Variants in CENPS observed in about 807,000 individuals in gnomAD.
CENPS encodes centromere protein S, also known as FANCM associated histone fold protein 1.
In CENPS, 16 loss-of-function variants were observed where a neutral mutation model predicts 17.9. That is an observed-to-expected ratio of 0.90 (90% CI 0.61 to 1.36). CENPS has a LOEUF of 1.36. CENPS is among the 40% of genes most tolerant of loss of function. CENPS has a pLI of 0.00. For missense variants in CENPS, 160 were observed against 158.6 expected (o/e 1.01, Z -0.05); for synonymous variants, 49 against 55.8 (o/e 0.88, Z 0.54).
intron 1 of CENPS, chr1:10,430,920 G>T (rs1403347403): frequency 2.5e-5 from 32 of 1,261,680 alleles, no homozygotes; most frequent in South Asian, 2.0e-5. Context: ...GACATTCCAG[G>T]TGACGCCCGT....
chr1:10,436,471 G>A (rs1439894789), intron 3 of CENPS, among the ~76,000 whole-genome samples: 1 of 150,758 alleles, frequency 6.6e-6, no homozygotes, highest in Non-Finnish European at 1.5e-5. Context: ...GGAGGCTGAG[G>A]CGGGTGGATC....
At chr1:10,436,265 C>T (rs1162127454) in intron 3 of CENPS, among the ~76,000 whole-genome samples, 8 of 150,938 alleles carry the variant, frequency 5.3e-5, no homozygotes, top group Non-Finnish European at 1.5e-5. Context: ...GGCGTTGAGC[C>T]ACCGCGCCCG....
rs116395144 is a variant in CENPS at position 10,430,465 on chromosome 1, C to T, written c.-53C>T. ...GGCGGGAAAATCCGACCTGGCCGCGCACCACCGCCCCTTCTCGGCCCTCCT... is the reference window on the plus strand; with the variant it reads ...GGCGGGAAAATCCGACCTGGCCGCGTACCACCGCCCCTTCTCGGCCCTCCT... On this transcript the variant is annotated 5_prime_UTR_variant, in exon 1 of 5. Transcript: ENST00000309048. 0.013 allele frequency: 20,084 copies of T among 1,526,610 alleles called. 408 individuals carry two copies. Among genetic ancestry groups the T allele is most frequent in the East Asian group, 0.1 (3,866 of 37,530 alleles). The allele number at this position is 1,526,610 out of a possible 1,614,324, so 94.6% of individuals were successfully genotyped here.
At position 10,435,710 on chromosome 1, in the gene CENPS, T is replaced by TACACACACACACACAC. The variant is rs778086497; in HGVS notation, c.209+1021_209+1022insCACACACACACACACA. Among the ~76,000 whole-genome samples, 656 of 143,530 alleles carry TACACACACACACACAC rather than the reference T, an allele frequency of 4.6e-3. 6 individuals carry two copies. Among genetic ancestry groups the TACACACACACACACAC allele is most frequent in the African/African-American group, 0.016 (621 of 38,368 alleles). The allele number at this position is 143,530 out of a possible 152,430, so 94.2% of individuals were successfully genotyped here. On this transcript the variant is annotated intron_variant, in intron 3 of 4. Transcript: ENST00000309048. The stretch of plus-strand genomic sequence containing the variant: ...TTTAAATACTTAAAAATAATATATA[T>TACACACACACACACAC]ATATATACACACACACACACACACA...
chr1:10,430,451 C>G lies in CENPS; in HGVS notation c.-67C>G. 2 of 1,521,710 alleles carry G rather than the reference C, an allele frequency of 1.3e-6. 1 individual carries two copies. The highest frequency in any genetic ancestry group is 2.5e-5 in the South Asian group (2 of 81,572). 94.3% of individuals were successfully genotyped at this position (1,521,710 alleles called of 1,614,324 possible). ...GTCGCTCGCGCCGCGGCGGGAAAAT[C>G]CGACCTGGCCGCGCACCACCGCCCC... On this transcript the variant is annotated 5_prime_UTR_variant, in exon 1 of 5. The change creates a new upstream start codon in the 5' untranslated region. Coordinates refer to ENST00000309048, the MANE Select transcript of CENPS (RefSeq NM_199294.3).
intron 1 of CENPS, among the ~76,000 whole-genome samples, chr1:10,432,560 T>C (rs1181682030): frequency 6.6e-6 from 1 of 152,118 alleles, no homozygotes; most frequent in South Asian, 2.1e-4. Flanking sequence ...GTGAACAAAA[T>C]TGACAGGGTC....
At chr1:10,430,647 C>T (rs1169350212) in intron 1 of CENPS, 79 bp downstream of exon 1, 3 of 1,476,928 alleles carry the variant, frequency 2.0e-6, no homozygotes, top group East Asian at 2.8e-5. Context: ...CGGCAGCCCC[C>T]GGCGGCTTCT....
At chr1:10,438,360 G>A (rs1256154818) in intron 3 of CENPS, among the ~76,000 whole-genome samples, 1 of 152,088 alleles carries the variant, frequency 6.6e-6, no homozygotes, top group Non-Finnish European at 1.5e-5. Flanking sequence ...GGCCAGTCTG[G>A]CCTCGAACTC....
chr1:10,440,833 G>A (rs1640375025), intron 4 of CENPS, among the ~76,000 whole-genome samples: 1 of 152,050 alleles, frequency 6.6e-6, no homozygotes, highest in Admixed American at 6.6e-5. Context: ...TTCAAGTCTA[G>A]AAATCATTTG....
chr1:10,441,148 A>G (rs1222419645), intron 4 of CENPS, among the ~76,000 whole-genome samples: 1 of 152,018 alleles, frequency 6.6e-6, no homozygotes, highest in African/African-American at 2.4e-5. Context: ...TTTTCCAGAT[A>G]CTATTTTACG....
In CENPS at chr1:10,436,558, T is replaced by G. The variant is rs542998298; in HGVS notation, c.209+1868T>G. On this transcript the variant is annotated intron_variant, in intron 3 of 4. Coordinates refer to ENST00000309048, the MANE Select transcript of CENPS (RefSeq NM_199294.3). ...CTCCTAAAATACAAAAAAAAAAAAT[T>G]AGCTGGGCGTGGCAGCATGCGCCTG... Among the ~76,000 whole-genome samples, 475 of 147,134 alleles carry G rather than the reference T, an allele frequency of 3.2e-3. 1 individual carries two copies. The highest frequency in any genetic ancestry group is 5.1e-3 in the Non-Finnish European group (338 of 66,846).
intron 4 of CENPS, among the ~76,000 whole-genome samples, 164 bp downstream of exon 4, chr1:10,440,577 A>T (rs1048333399): frequency 1.3e-5 from 2 of 152,210 alleles, no homozygotes; most frequent in African/African-American, 2.4e-5. Flanking sequence ...TGCTTTCATT[A>T]TGATGGATCT....
Position 10,434,823 on chromosome 1 carries a change from T to C in CENPS, c.209+133T>C, listed in dbSNP as rs1205169042. ...TTTTGTGGAGGCTTGTCTCTAATCA[T>C]GGTTCTGCAAGAACATGACGCCTCC... On this transcript the variant is annotated intron_variant, in intron 3 of 4. Coordinates refer to ENST00000309048, the MANE Select transcript of CENPS (RefSeq NM_199294.3). 4.6e-6 allele frequency: 6 copies of C among 1,298,566 alleles called. No homozygotes were observed. In the African/African-American group the frequency reaches 7.7e-5, roughly 17 times the overall value. The allele number at this position is 1,298,566 out of a possible 1,614,324, so 80.4% of individuals were successfully genotyped here. A position where few individuals can be genotyped will look rare whatever the true frequency, so the allele number is the denominator to read the frequency against.
chr1:10,431,673 T>G (rs902233837), intron 1 of CENPS, among the ~76,000 whole-genome samples: 9 of 151,892 alleles, frequency 5.9e-5, no homozygotes, highest in Non-Finnish European at 1.2e-4. Flanking sequence ...CTGGCCAACA[T>G]GGAAACCCCC....
chr1:10,435,699 A>T (rs1640116971), intron 3 of CENPS, among the ~76,000 whole-genome samples: 1 of 139,598 alleles, frequency 7.2e-6, no homozygotes, highest in Non-Finnish European at 1.5e-5. Flanking sequence ...AATACTTAAA[A>T]ATAATATATA....
At position 10,433,828 on chromosome 1, in the gene CENPS, A is replaced by T. The variant is rs780376229; in HGVS notation, c.52-14A>T. Reference sequence around the variant, plus strand: ...GCAGCCTTACCCGTGAAATATTTTGATGTTTTTCCCCAGAGGCTAAAGGCA... The same window carrying T: ...GCAGCCTTACCCGTGAAATATTTTGTTGTTTTTCCCCAGAGGCTAAAGGCA... On this transcript the variant is annotated splice_polypyrimidine_tract_variant and intron_variant, in intron 1 of 4. Coordinates refer to ENST00000309048, the MANE Select transcript of CENPS (RefSeq NM_199294.3). 3.1e-6 allele frequency: 5 copies of T among 1,613,898 alleles called. No homozygotes were observed. Among genetic ancestry groups the T allele is most frequent in the Non-Finnish European group, 4.2e-6 (5 of 1,179,890 alleles).
intron 1 of CENPS, chr1:10,430,895 A>C: frequency 7.8e-7 from 1 of 1,281,580 alleles, no homozygotes; most frequent in South Asian, 1.9e-5. Flanking sequence ...TCGTGAGGGT[A>C]CAACGTCGGC....
In CENPS at chr1:10,430,700, C is replaced by A. The variant is rs551547115; in HGVS notation, c.51+132C>A. On this transcript the variant is annotated intron_variant, in intron 1 of 4. Coordinates refer to ENST00000309048, the MANE Select transcript of CENPS (RefSeq NM_199294.3). ...CGGGCGCCCCCCGCGGCTGCGCATGCGTTGGCTTAACTGCCGCGGGTGGTG... is the reference window on the plus strand; with the variant it reads ...CGGGCGCCCCCCGCGGCTGCGCATGAGTTGGCTTAACTGCCGCGGGTGGTG... 3.5e-4 allele frequency: 487 copies of A among 1,383,862 alleles called. 1 individual carries two copies. The African/African-American group carries it at 9.6e-3, about 27-fold the overall frequency. The allele number at this position is 1,383,862 out of a possible 1,614,324, so 85.7% of individuals were successfully genotyped here.
intron 1 of CENPS, chr1:10,431,145 C>T: frequency 6.3e-6 from 9 of 1,438,070 alleles, no homozygotes; most frequent in Non-Finnish European, 7.3e-6. Context: ...AATCACTTGT[C>T]AGGGTAGCTG....
Sources: gnomAD v4.1 joint callset for allele counts (sites outside exome capture counted in the v4.1 genomes callset) on GRCh38, gnomAD v4.1.1 for gene constraint, MANE v1.5 for transcripts, NCBI Gene and HGNC (gene_info 2026-07-23, HGNC 2026-07-21) for gene names.